AKT3: variants seen among roughly 807,000 people sequenced by gnomAD.
AKT3 encodes AKT serine/threonine kinase 3, also known as RAC-gamma serine/threonine-protein kinase.
A neutral mutation model predicts 65.3 loss-of-function variants in AKT3; 15 were observed. The observed-to-expected ratio is 0.23, with a 90% CI of 0.15 to 0.35. The LOEUF is 0.35. AKT3 is among the 10% of genes least tolerant of loss of function. AKT3 has a pLI of 1.00. For missense variants in AKT3, 243 were observed against 576.5 expected (o/e 0.42, Z 5.92); for synonymous variants, 206 against 183.8 (o/e 1.12, Z -0.98).
At chr1:243,506,097 C>T (rs914065578) in intron 13 of AKT3, among the ~76,000 whole-genome samples, 1 of 152,252 alleles carries the variant, frequency 6.6e-6, no homozygotes, top group African/African-American at 2.4e-5. Context: ...GGAAGCTCTT[C>T]CTGGTATGTG....
Position 243,620,954 on chromosome 1 carries a change from T to C in AKT3, c.562-5793A>G, listed in dbSNP as rs538890934. On this transcript the variant is annotated intron_variant, in intron 6 of 13. Coordinates refer to ENST00000673466, the MANE Select transcript of AKT3 (RefSeq NM_005465.7). ...TACCCTCTTAACTCTATATTTCACA[T>C]CTAAAGATAAATTTACACAAACATA... is the stretch of plus-strand genomic sequence containing the variant. Among the ~76,000 whole-genome samples, 11 of 152,230 alleles carry C rather than the reference T, an allele frequency of 7.2e-5. No homozygotes were observed. In the South Asian group the frequency reaches 2.3e-3, roughly 32 times the overall value.
intron 2 of AKT3, among the ~76,000 whole-genome samples, chr1:243,768,306 C>G (rs1222062472): frequency 6.6e-6 from 1 of 152,094 alleles, no homozygotes; most frequent in African/African-American, 2.4e-5. Flanking sequence ...AATTGGCTTT[C>G]AGCTGTTAAT....
chr1:243,842,637 A>ACTTT (rs1304109120), intron 2 of AKT3, among the ~76,000 whole-genome samples: 4 of 152,186 alleles, frequency 2.6e-5, no homozygotes, highest in African/African-American at 9.7e-5. Flanking sequence ...TTACGTCAGG[A>ACTTT]CTTTACTTAC....
intron 6 of AKT3, among the ~76,000 whole-genome samples, chr1:243,618,061 C>T (rs1475246343): frequency 6.6e-6 from 1 of 152,074 alleles, no homozygotes; most frequent in Non-Finnish European, 1.5e-5. Flanking sequence ...TATTCTAGTG[C>T]TTTGAATATT....
At chr1:243,600,964 G>A (rs1185421909) in intron 8 of AKT3, among the ~76,000 whole-genome samples, 1 of 152,036 alleles carries the variant, frequency 6.6e-6, no homozygotes, top group Non-Finnish European at 1.5e-5. Flanking sequence ...AGAGACATGC[G>A]AGGCTCTGTT....
At chr1:243,680,668 C>G (rs1683846219) in intron 3 of AKT3, among the ~76,000 whole-genome samples, 1 of 151,946 alleles carries the variant, frequency 6.6e-6, no homozygotes, top group Non-Finnish European at 1.5e-5. Context: ...GAGGAAGCAA[C>G]AAAACATGTC....
intron 3 of AKT3, among the ~76,000 whole-genome samples, chr1:243,691,504 A>C (rs1361183691): frequency 6.6e-6 from 1 of 152,174 alleles, no homozygotes; most frequent in Non-Finnish European, 1.5e-5. Flanking sequence ...TCTACAGCAG[A>C]TATGATGAGG....
Position 243,758,899 on chromosome 1 carries a change from G to C in AKT3, c.47-63183C>G, listed in dbSNP as rs143639627. Among the ~76,000 whole-genome samples, 230 of 152,276 alleles carry C rather than the reference G, an allele frequency of 1.5e-3. 1 individual carries two copies. Among genetic ancestry groups the C allele is most frequent in the African/African-American group, 5.3e-3 (221 of 41,566 alleles). On this transcript the variant is annotated intron_variant, in intron 2 of 13. Transcript: ENST00000673466. ...CTGGGGGTTGGGGACACCTCATCTA[G>C]AGTCCTATAGATTCCTGAAAGGACT...
intron 2 of AKT3, among the ~76,000 whole-genome samples, chr1:243,787,314 A>T (rs751070083): frequency 1.3e-5 from 2 of 152,116 alleles, no homozygotes; most frequent in Non-Finnish European, 2.9e-5. Context: ...ACCCATGCAC[A>T]TTTTTTTAAA....
At chr1:243,702,194 A>G (rs1685513319) in intron 2 of AKT3, among the ~76,000 whole-genome samples, 1 of 152,060 alleles carries the variant, frequency 6.6e-6, no homozygotes, top group African/African-American at 2.4e-5. Context: ...TTTTAATTTA[A>G]ACCAATGCTA....
chr1:243,693,287 T>TATAC (rs1684839880), intron 3 of AKT3, among the ~76,000 whole-genome samples: 1 of 115,336 alleles, frequency 8.7e-6, no homozygotes, highest in Non-Finnish European at 1.8e-5. Flanking sequence ...TATATATATA[T>TATAC]ATATATAACA....
At chr1:243,670,739 C>T (rs1290416430) in intron 3 of AKT3, among the ~76,000 whole-genome samples, 5 of 152,076 alleles carry the variant, frequency 3.3e-5, no homozygotes, top group African/African-American at 1.2e-4. Flanking sequence ...TACACTGTTA[C>T]TTATATTAGA....
intron 13 of AKT3, among the ~76,000 whole-genome samples, chr1:243,493,138 C>G (rs1666975821): frequency 6.8e-6 from 1 of 147,830 alleles, no homozygotes; most frequent in Non-Finnish European, 1.5e-5. Context: ...CCTGGCCTGT[C>G]TTTTGTTTGA....
At chr1:243,667,337 G>A (rs1188491270) in intron 3 of AKT3, among the ~76,000 whole-genome samples, 1 of 152,136 alleles carries the variant, frequency 6.6e-6, no homozygotes, top group Non-Finnish European at 1.5e-5. Context: ...GTCCGAACGT[G>A]AACTCTTGAC....
intron 8 of AKT3, among the ~76,000 whole-genome samples, chr1:243,595,192 ACTGAATACT>A: frequency 6.6e-6 from 1 of 152,332 alleles, no homozygotes; most frequent in South Asian, 2.1e-4. Context: ...ATGTTACCCT[ACTGAATACT>A]CTAGGCAGGT....
At chr1:243,783,983 C>T (rs1178745945) in intron 2 of AKT3, among the ~76,000 whole-genome samples, 1 of 152,168 alleles carries the variant, frequency 6.6e-6, no homozygotes, top group Non-Finnish European at 1.5e-5. Context: ...TCTGGGAAGA[C>T]AGCAGTGAAC....
At chr1:243,674,520 G>C (rs897157774) in intron 3 of AKT3, among the ~76,000 whole-genome samples, 1 of 152,164 alleles carries the variant, frequency 6.6e-6, no homozygotes. Context: ...CAGAGGTAGA[G>C]GAAAAGTTAA....
chr1:243,573,838 A>AAT (rs1321362331), intron 8 of AKT3, among the ~76,000 whole-genome samples: 1 of 152,196 alleles, frequency 6.6e-6, no homozygotes, highest in Non-Finnish European at 1.5e-5. Context: ...TACTGTGACC[A>AAT]AGTACACGGC....
At position 243,657,953 on chromosome 1, in the gene AKT3, T is replaced by G. The variant is rs145101607; in HGVS notation, c.284+6819A>C. 1.2e-4 allele frequency among the ~76,000 whole-genome samples: 18 copies of G among 152,188 alleles called. 1 individual carries two copies. The East Asian group carries it at 3.5e-3, about 29-fold the overall frequency. ...CAAAAGAACAAAAGTGGAGCCTTAT[T>G]TTACACCACACACAAAACCAACTCA... On this transcript the variant is annotated intron_variant, in intron 4 of 13. Transcript: ENST00000673466.
Sources: gnomAD v4.1 joint callset for allele counts (sites outside exome capture counted in the v4.1 genomes callset) on GRCh38, gnomAD v4.1.1 for gene constraint, MANE v1.5 for transcripts, NCBI Gene and HGNC (gene_info 2026-07-23, HGNC 2026-07-21) for gene names.